The following LYPLAL1 variants were observed in gnomAD, a reference collection of about 807,000 sequenced individuals.
LYPLAL1 encodes lysophospholipase-like protein 1.
In LYPLAL1, 23 loss-of-function variants were observed where a neutral mutation model predicts 19.7. That is an observed-to-expected ratio of 1.17 (90% CI 0.84 to 1.65). LYPLAL1 has a LOEUF of 1.65. Ranked by LOEUF, LYPLAL1 falls within the 40% of genes most tolerant of loss-of-function variation. The probability of loss-of-function intolerance (pLI) is 0.00; values close to 1 mark genes in which losing one functional copy is unlikely to be tolerated. For synonymous variants in LYPLAL1, 119 were observed against 96.3 expected (o/e 1.24, Z -1.38); for missense variants, 355 against 279.4 (o/e 1.27, Z -1.93).
chr1:219,314,433 A>C, the LYPLAL1 span, among the ~76,000 whole-genome samples: 2 of 151,670 alleles, frequency 1.3e-5, no homozygotes, highest in South Asian at 2.1e-4. Flanking sequence ...GAGAGTTTTT[A>C]TTTTTTTTCT....
At chr1:219,233,971 G>C in the LYPLAL1 span, among the ~76,000 whole-genome samples, 9 of 152,128 alleles carry the variant, frequency 5.9e-5, no homozygotes, top group African/African-American at 2.2e-4. Flanking sequence ...AATGTGTATG[G>C]GTGATGGGGC....
At chr1:219,186,946 T>A (rs918260636) in intron 2 of LYPLAL1, among the ~76,000 whole-genome samples, 1 of 151,794 alleles carries the variant, frequency 6.6e-6, no homozygotes, top group African/African-American at 2.4e-5. Context: ...CGTTTTTTAA[T>A]ACACCATTTT....
the LYPLAL1 span, among the ~76,000 whole-genome samples, chr1:219,353,904 A>G: frequency 6.6e-6 from 1 of 152,226 alleles, no homozygotes; most frequent in Admixed American, 6.5e-5. Context: ...TGAAAACATG[A>G]ATATAATAAA....
At chr1:219,311,524 T>C in the LYPLAL1 span, among the ~76,000 whole-genome samples, 1 of 112,004 alleles carries the variant, frequency 8.9e-6, no homozygotes, top group Non-Finnish European at 1.8e-5. Flanking sequence ...TTCCCTTCTA[T>C]GTTGTAGGTG....
At chr1:219,359,661 T>C in the LYPLAL1 span, among the ~76,000 whole-genome samples, 1 of 152,130 alleles carries the variant, frequency 6.6e-6, no homozygotes, top group Non-Finnish European at 1.5e-5. Flanking sequence ...TGTCTACTTA[T>C]GCAGAGAAAA....
At chr1:219,248,693 A>G in the LYPLAL1 span, among the ~76,000 whole-genome samples, 1 of 152,090 alleles carries the variant, frequency 6.6e-6, no homozygotes, top group African/African-American at 2.4e-5. Context: ...AAAATTTTCT[A>G]TTTTGTGGTT....
chr1:219,300,163 T>C, the LYPLAL1 span, among the ~76,000 whole-genome samples: 2 of 152,118 alleles, frequency 1.3e-5, no homozygotes, highest in Non-Finnish European at 2.9e-5. Flanking sequence ...TGTTTAGTTT[T>C]TGCAGGGACA....
the LYPLAL1 span, among the ~76,000 whole-genome samples, chr1:219,290,700 A>T: frequency 4.7e-3 from 723 of 152,256 alleles, 8 homozygotes; most frequent in African/African-American, 0.016. Flanking sequence ...CTTTCTTAAT[A>T]AACTCGCTTT....
chr1:219,282,317 G>A, the LYPLAL1 span, among the ~76,000 whole-genome samples: 1 of 151,898 alleles, frequency 6.6e-6, no homozygotes, highest in African/African-American at 2.4e-5. Context: ...GAGAGAAATG[G>A]GAGGGAAAAA....
chr1:219,232,807 GA>G, the LYPLAL1 span, among the ~76,000 whole-genome samples: 1 of 151,114 alleles, frequency 6.6e-6, no homozygotes, highest in Admixed American at 6.6e-5. Flanking sequence ...ACTCATTAGG[GA>G]AATGTAAATC....
At chr1:219,256,857 G>A in the LYPLAL1 span, among the ~76,000 whole-genome samples, 1 of 151,672 alleles carries the variant, frequency 6.6e-6, no homozygotes, top group Non-Finnish European at 1.5e-5. Flanking sequence ...CAACCTTTTG[G>A]GAATTTTCTG....
At chr1:219,317,835 C>T in the LYPLAL1 span, among the ~76,000 whole-genome samples, 1 of 152,134 alleles carries the variant, frequency 6.6e-6, no homozygotes, top group Non-Finnish European at 1.5e-5. Flanking sequence ...TCCTTCACTC[C>T]ACTGGACTTG....
chr1:219,347,874 A>G, the LYPLAL1 span, among the ~76,000 whole-genome samples: 1 of 152,030 alleles, frequency 6.6e-6, no homozygotes, highest in Non-Finnish European at 1.5e-5. Context: ...AAAAAAAAAA[A>G]TCACCAGGCC....
chr1:219,302,548 G>A, the LYPLAL1 span, among the ~76,000 whole-genome samples: 1 of 152,030 alleles, frequency 6.6e-6, no homozygotes, highest in Admixed American at 6.5e-5. Context: ...TGTGAATCTA[G>A]GCAAGTTTCC....
At chr1:219,242,140 A>G in the LYPLAL1 span, among the ~76,000 whole-genome samples, 1 of 152,312 alleles carries the variant, frequency 6.6e-6, no homozygotes, top group East Asian at 1.9e-4. Flanking sequence ...AAAGCAAAAT[A>G]TATCAGGCTA....
the LYPLAL1 span, among the ~76,000 whole-genome samples, chr1:219,427,695 CTCT>C: frequency 7.2e-5 from 11 of 152,176 alleles, no homozygotes; most frequent in Non-Finnish European, 1.5e-4. Context: ...ATTGTTTCTC[CTCT>C]GAGATGAGAA....
chr1:219,251,401 A>C, the LYPLAL1 span, among the ~76,000 whole-genome samples: 1 of 151,990 alleles, frequency 6.6e-6, no homozygotes, highest in East Asian at 1.9e-4. Context: ...TAGGGTTTTT[A>C]TAATTTGGGG....
At chr1:219,430,064 C>T in the LYPLAL1 span, among the ~76,000 whole-genome samples, 1 of 152,110 alleles carries the variant, frequency 6.6e-6, no homozygotes, top group African/African-American at 2.4e-5. Context: ...GAGGCCCAGG[C>T]AGGCAGATCG....
At chr1:219,322,663 T>C in the LYPLAL1 span, among the ~76,000 whole-genome samples, 2 of 152,178 alleles carry the variant, frequency 1.3e-5, no homozygotes, top group African/African-American at 4.8e-5. Flanking sequence ...ATCTCTGAGC[T>C]TAAATTGTGC....
Sources: allele counts gnomAD v4.1 joint callset (sites outside exome capture counted in the v4.1 genomes callset), GRCh38; gene constraint gnomAD v4.1.1; transcripts MANE v1.5; gene names NCBI Gene and HGNC (gene_info 2026-07-23, HGNC 2026-07-21).